The following CREBL2 variants were observed in gnomAD, a reference collection of about 807,000 sequenced individuals.
CREBL2 encodes cAMP responsive element binding protein like 2.
A neutral mutation model predicts 19.5 loss-of-function variants in CREBL2; 4 were observed. That is an observed-to-expected ratio of 0.20 (90% CI 0.10 to 0.47). The LOEUF is 0.47. Among genes scored for constraint, CREBL2 ranks in the 20% least tolerant of loss-of-function variants. The pLI, the probability that CREBL2 is intolerant of heterozygous loss-of-function variation, is 0.98. For missense variants in CREBL2, 85 were observed against 145.1 expected (o/e 0.59, Z 2.13); for synonymous variants, 42 against 46.6 (o/e 0.90, Z 0.40).
chr12:12,629,846 T>G (rs945205888), intron 1 of CREBL2, among the ~76,000 whole-genome samples: 23 of 152,202 alleles, frequency 1.5e-4, no homozygotes, highest in African/African-American at 4.6e-4. Flanking sequence ...AGTCCTTTTT[T>G]TGTGTGTGTG....
chr12:12,625,258 G>A (rs971095149), intron 1 of CREBL2, among the ~76,000 whole-genome samples: 4 of 152,104 alleles, frequency 2.6e-5, no homozygotes, highest in Non-Finnish European at 5.9e-5. Flanking sequence ...AGAATTTTCT[G>A]TCCCCTGTCC....
At chr12:12,624,012 A>G (rs1945381283) in intron 1 of CREBL2, among the ~76,000 whole-genome samples, 1 of 152,202 alleles carries the variant, frequency 6.6e-6, no homozygotes, top group South Asian at 2.1e-4. Context: ...CATGACCTCC[A>G]GAGGGAATGC....
At chr12:12,623,977 G>A (rs1231976478) in intron 1 of CREBL2, among the ~76,000 whole-genome samples, 1 of 152,208 alleles carries the variant, frequency 6.6e-6, no homozygotes, top group Non-Finnish European at 1.5e-5. Flanking sequence ...CCAGAAGCTG[G>A]AGAGGCAAAG....
chr12:12,622,034 C>T (rs1945363770), intron 1 of CREBL2, among the ~76,000 whole-genome samples: 2 of 151,962 alleles, frequency 1.3e-5, no homozygotes, highest in Admixed American at 1.3e-4. Flanking sequence ...TCATTTTCAC[C>T]CTTTCAAACT....
Position 12,612,256 on chromosome 12 carries a change from C to T in CREBL2, c.15+69C>T, listed in dbSNP as rs541606521. ...AATGCTAGTCCCGCGGCTGAACCTC[C>T]GCTATGTAGTCCACGCCAACACCCA... On this transcript the variant is annotated intron_variant, in intron 1 of 3. Transcript: ENST00000228865. The T allele has an allele frequency of 3.2e-5, 52 of 1,611,624 alleles. No homozygotes were observed. The South Asian group carries it at 5.2e-4, about 16-fold the overall frequency.
intron 1 of CREBL2, among the ~76,000 whole-genome samples, chr12:12,622,979 T>C (rs994302757): frequency 4.6e-5 from 7 of 152,298 alleles, no homozygotes; most frequent in Non-Finnish European, 7.3e-5. Context: ...AAACTTTTAT[T>C]AGTTGCCTTA....
chr12:12,626,446 G>C (rs999100028), intron 1 of CREBL2, among the ~76,000 whole-genome samples: 6 of 152,034 alleles, frequency 3.9e-5, no homozygotes, highest in Non-Finnish European at 8.8e-5. Context: ...CTCCCCTCCA[G>C]AATACTCATT....
chr12:12,633,288 G>A (rs1945453871), intron 1 of CREBL2, among the ~76,000 whole-genome samples: 1 of 151,948 alleles, frequency 6.6e-6, no homozygotes, highest in Non-Finnish European at 1.5e-5. Context: ...GCCAGGCCCG[G>A]TGGATCACCT....
At chr12:12,627,052 G>C (rs1592239935) in intron 1 of CREBL2, among the ~76,000 whole-genome samples, 1 of 152,206 alleles carries the variant, frequency 6.6e-6, no homozygotes, top group East Asian at 1.9e-4. Flanking sequence ...GAGGGAGGAA[G>C]AGAGGGAGGA....
At position 12,644,481 on chromosome 12, in the gene CREBL2, T is replaced by G. The variant is rs760038807; in HGVS notation, c.*2483T>G. The stretch of plus-strand genomic sequence containing the variant: ...ACAGAGTAATGTTTTTTTTCTTATT[T>G]TCCCAAAGAAAGAAAAGGGGGAAAA... On this transcript the variant is annotated 3_prime_UTR_variant, in exon 4 of 4. Coordinates refer to ENST00000228865, the MANE Select transcript of CREBL2 (RefSeq NM_001310.4). The G allele has an allele frequency of 3.9e-5, 6 of 152,558 alleles. No individual in the cohort carries two copies. Among genetic ancestry groups the G allele is most frequent in the Non-Finnish European group, 8.8e-5 (6 of 68,020 alleles). The allele number at this position is 152,558 out of a possible 1,614,324, so 9.5% of individuals were successfully genotyped here. A position where few individuals can be genotyped will look rare whatever the true frequency, so the allele number is the denominator to read the frequency against.
At chr12:12,621,352 C>G (rs893557569) in intron 1 of CREBL2, among the ~76,000 whole-genome samples, 1 of 152,046 alleles carries the variant, frequency 6.6e-6, no homozygotes, top group African/African-American at 2.4e-5. Flanking sequence ...AACCCCATCT[C>G]TACTAAAAAT....
intron 1 of CREBL2, 138 bp downstream of exon 1, chr12:12,612,325 G>A (rs1477973551): frequency 1.4e-6 from 2 of 1,479,494 alleles, no homozygotes; most frequent in African/African-American, 2.8e-5. Context: ...CCAGTCCACT[G>A]CCCGATGGTA....
intron 3 of CREBL2, among the ~76,000 whole-genome samples, chr12:12,639,193 C>T (rs375572395): frequency 6.6e-6 from 1 of 152,078 alleles, no homozygotes; most frequent in Non-Finnish European, 1.5e-5. Flanking sequence ...TATATATATA[C>T]AGTTGTTTAT....
intron 1 of CREBL2, among the ~76,000 whole-genome samples, chr12:12,627,360 TAAAAAAGA>T (rs893698892): frequency 6.6e-6 from 1 of 152,094 alleles, no homozygotes; most frequent in African/African-American, 2.4e-5. Context: ...TCTATTGATT[TAAAAAAGA>T]AAAAAAGAAA....
chr12:12,624,910 T>C (rs1296678070), intron 1 of CREBL2, among the ~76,000 whole-genome samples: 2 of 152,162 alleles, frequency 1.3e-5, no homozygotes, highest in Non-Finnish European at 2.9e-5. Flanking sequence ...ATGAAAGTAG[T>C]TCTCAGCAGG....
chr12:12,631,020 T>C (rs1386718266), intron 1 of CREBL2, among the ~76,000 whole-genome samples: 1 of 152,228 alleles, frequency 6.6e-6, no homozygotes, highest in Non-Finnish European at 1.5e-5. Context: ...TTTGAAAAAG[T>C]CATGACCTTT....
intron 1 of CREBL2, among the ~76,000 whole-genome samples, chr12:12,621,579 C>T (rs180842833): frequency 6.7e-6 from 1 of 149,478 alleles, no homozygotes; most frequent in African/African-American, 2.5e-5. Flanking sequence ...GCCAGCAGGG[C>T]GGTGATATAT....
At chr12:12,641,253 A>ATTTAT (rs1945516700) in intron 3 of CREBL2, among the ~76,000 whole-genome samples, 7 of 78,244 alleles carry the variant, frequency 8.9e-5, no homozygotes, top group Non-Finnish European at 1.0e-4. Flanking sequence ...TATTATTATT[A>ATTTAT]TTTTTTTTTA....
At chr12:12,612,315 C>G in intron 1 of CREBL2, 128 bp downstream of exon 1, 1 of 1,526,052 alleles carries the variant, frequency 6.6e-7, no homozygotes, top group Non-Finnish European at 8.9e-7. Flanking sequence ...CTGCGCCTCT[C>G]CAGTCCACTG....
Sources: gnomAD v4.1 joint callset for allele counts (sites outside exome capture counted in the v4.1 genomes callset) on GRCh38, gnomAD v4.1.1 for gene constraint, MANE v1.5 for transcripts, NCBI Gene and HGNC (gene_info 2026-07-23, HGNC 2026-07-21) for gene names.